The following CDC42SE2 variants were observed in gnomAD, a reference collection of about 807,000 sequenced individuals.
CDC42SE2 encodes CDC42 small effector protein 2.
CDC42SE2 carries 3 observed loss-of-function variants against 11.5 expected under a neutral mutation model. The observed-to-expected ratio is 0.26, with a 90% CI of 0.12 to 0.67. The LOEUF (loss-of-function observed/expected upper bound fraction) is 0.67. Ranked by LOEUF, CDC42SE2 falls within the 30% of genes least tolerant of loss-of-function variation. The pLI is 0.80. For missense variants in CDC42SE2, 82 were observed against 106.8 expected, an observed-to-expected ratio of 0.77 and a Z score of 1.02; for synonymous variants, 33 against 34.8, an observed-to-expected ratio of 0.95 and a Z score of 0.18.
chr5:131,292,658 G>A (rs1757483474), intron 1 of CDC42SE2, among the ~76,000 whole-genome samples: 1 of 151,850 alleles, frequency 6.6e-6, no homozygotes, highest in Non-Finnish European at 1.5e-5. Context: ...CAGCACTTTG[G>A]GAGGCTGAGG....
intron 1 of CDC42SE2, among the ~76,000 whole-genome samples, chr5:131,307,166 C>T (rs981346989): frequency 7.9e-5 from 12 of 151,670 alleles, no homozygotes; most frequent in African/African-American, 2.9e-4. Flanking sequence ...GCTGCACCCA[C>T]TAACTCGTCA....
At chr5:131,258,382 T>C (rs1044916833) in intron 2 of CDC42SE2, among the ~76,000 whole-genome samples, 1 of 152,172 alleles carries the variant, frequency 6.6e-6, no homozygotes, top group Admixed American at 6.5e-5. Context: ...ACTTGCCATA[T>C]ATAGATGTTA....
At chr5:131,231,586 A>T in the CDC42SE2 span, among the ~76,000 whole-genome samples, 1 of 152,112 alleles carries the variant, frequency 6.6e-6, no homozygotes, top group Non-Finnish European at 1.5e-5. Context: ...CCGGCTGGTT[A>T]ATCTAAAGAG....
At chr5:131,275,351 C>T (rs911428068) in intron 1 of CDC42SE2, among the ~76,000 whole-genome samples, 4 of 149,610 alleles carry the variant, frequency 2.7e-5, no homozygotes, top group African/African-American at 4.9e-5. Flanking sequence ...GGCTAGAGTG[C>T]GGTGGTGTGA....
intron 1 of CDC42SE2, among the ~76,000 whole-genome samples, chr5:131,301,835 G>A (rs1178337936): frequency 6.6e-6 from 1 of 151,784 alleles, no homozygotes; most frequent in Non-Finnish European, 1.5e-5. Flanking sequence ...CTAGCATAAT[G>A]TATCATCATA....
At chr5:131,216,637 T>C in the CDC42SE2 span, among the ~76,000 whole-genome samples, 1 of 151,004 alleles carries the variant, frequency 6.6e-6, no homozygotes, top group Admixed American at 6.6e-5. Flanking sequence ...TTAATTTAGC[T>C]AGAGGACACA....
At chr5:131,376,658 A>G (rs1400463668) in intron 3 of CDC42SE2, among the ~76,000 whole-genome samples, 1 of 151,636 alleles carries the variant, frequency 6.6e-6, no homozygotes, top group Non-Finnish European at 1.5e-5. Flanking sequence ...CCCACCCTCT[A>G]CTCTCAGATG....
the CDC42SE2 span, among the ~76,000 whole-genome samples, chr5:131,229,725 G>A: frequency 3.9e-5 from 6 of 152,184 alleles, no homozygotes; most frequent in Non-Finnish European, 1.5e-5. Flanking sequence ...CCTGAGCCCA[G>A]GAGTTTGAGA....
At chr5:131,339,253 A>G (rs967644069) in intron 2 of CDC42SE2, among the ~76,000 whole-genome samples, 1 of 145,890 alleles carries the variant, frequency 6.9e-6, no homozygotes, top group African/African-American at 2.7e-5. Flanking sequence ...TCTGAAAAAA[A>G]AAAAAAAAAA....
At chr5:131,350,637 G>GTATATA (rs1554099787) in intron 2 of CDC42SE2, among the ~76,000 whole-genome samples, 65 of 147,706 alleles carry the variant, frequency 4.4e-4, no homozygotes, top group African/African-American at 1.6e-3. Flanking sequence ...GTGTGTGTGT[G>GTATATA]TATATATATA....
At chr5:131,380,014 C>G (rs570805156) in intron 3 of CDC42SE2, among the ~76,000 whole-genome samples, 2 of 151,952 alleles carry the variant, frequency 1.3e-5, no homozygotes, top group Non-Finnish European at 2.9e-5. Flanking sequence ...GCCAACCCCC[C>G]ACCCCAGGTT....
At chr5:131,267,970 G>C (rs1756905505) in intron 1 of CDC42SE2, among the ~76,000 whole-genome samples, 1 of 147,532 alleles carries the variant, frequency 6.8e-6, no homozygotes, top group African/African-American at 2.5e-5. Context: ...TGTTAGTAAT[G>C]TTTTAGTCAG....
intron 3 of CDC42SE2, among the ~76,000 whole-genome samples, chr5:131,369,817 A>G (rs142268928): frequency 9.2e-5 from 14 of 152,344 alleles, no homozygotes; most frequent in African/African-American, 3.1e-4. Context: ...GTGTAAGACT[A>G]ATTATTTCAG....
At chr5:131,291,616 A>G (rs993892524) in intron 1 of CDC42SE2, among the ~76,000 whole-genome samples, 7 of 152,156 alleles carry the variant, frequency 4.6e-5, no homozygotes, top group Non-Finnish European at 1.5e-5. Context: ...TTTTATAGCC[A>G]TAACTTTTTT....
At chr5:131,225,874 A>C in the CDC42SE2 span, among the ~76,000 whole-genome samples, 1 of 152,204 alleles carries the variant, frequency 6.6e-6, no homozygotes, top group Non-Finnish European at 1.5e-5. Context: ...GTGATTGATA[A>C]AAATGTGTGG....
chr5:131,307,321 G>A (rs1231761955), intron 1 of CDC42SE2, among the ~76,000 whole-genome samples: 2 of 149,356 alleles, frequency 1.3e-5, no homozygotes, highest in East Asian at 4.0e-4. Flanking sequence ...GCGGTGTTTG[G>A]TTTTTTGTTC....
At chr5:131,331,025 C>CA (rs1360757990) in intron 2 of CDC42SE2, among the ~76,000 whole-genome samples, 3 of 151,308 alleles carry the variant, frequency 2.0e-5, no homozygotes, top group East Asian at 1.9e-4. Flanking sequence ...GACCCTCTCT[C>CA]AAAAAAAATA....
At chr5:131,301,192 GGAA>G (rs1757671205) in intron 1 of CDC42SE2, among the ~76,000 whole-genome samples, 2 of 152,136 alleles carry the variant, frequency 1.3e-5, no homozygotes, top group Admixed American at 6.5e-5. Context: ...AAGGGTAGGG[GGAA>G]GAAGGAGAGA....
At chr5:131,390,229 A>G (rs977679571) in intron 4 of CDC42SE2, among the ~76,000 whole-genome samples, 2 of 152,202 alleles carry the variant, frequency 1.3e-5, no homozygotes, top group Non-Finnish European at 2.9e-5. Flanking sequence ...ATCAGGCTAT[A>G]TTAACATGGT....
Sources: allele counts gnomAD v4.1 joint callset (sites outside exome capture counted in the v4.1 genomes callset), GRCh38; gene constraint gnomAD v4.1.1; transcripts MANE v1.5; gene names NCBI Gene and HGNC (gene_info 2026-07-23, HGNC 2026-07-21).